The following PTGER3 variants were observed in gnomAD, a reference collection of about 807,000 sequenced individuals.
PTGER3 encodes the protein prostaglandin E receptor 3.
A neutral mutation model predicts 34.7 loss-of-function variants in PTGER3; 22 were observed. The observed-to-expected ratio is 0.63, with a 90% CI of 0.45 to 0.91. The LOEUF (loss-of-function observed/expected upper bound fraction) is 0.91. PTGER3 is among the 40% of genes least tolerant of loss of function. The probability of loss-of-function intolerance (pLI) is 0.00; values close to 1 mark genes in which losing one functional copy is unlikely to be tolerated. For missense variants in PTGER3, 468 were observed against 519.4 expected, an observed-to-expected ratio of 0.90 and a Z score of 0.96; for synonymous variants, 241 against 230.1, an observed-to-expected ratio of 1.05 and a Z score of -0.43.
intron 1 of PTGER3, among the ~76,000 whole-genome samples, chr1:71,016,976 T>C (rs988616580): frequency 1.3e-5 from 2 of 152,100 alleles, no homozygotes; most frequent in African/African-American, 4.8e-5. Flanking sequence ...GCTGGCTGGC[T>C]TATCATCCTA....
At chr1:70,856,239 C>T (rs559791545) in intron 4 of PTGER3, among the ~76,000 whole-genome samples, 27 of 151,952 alleles carry the variant, frequency 1.8e-4, no homozygotes, top group Non-Finnish European at 3.5e-4. Context: ...CAAGATAACT[C>T]ATTAGCTTTT....
chr1:71,028,552 T>C (rs1469098919), intron 1 of PTGER3, among the ~76,000 whole-genome samples: 2 of 152,232 alleles, frequency 1.3e-5, no homozygotes, highest in African/African-American at 2.4e-5. Context: ...TGAAGCATTA[T>C]GTTTTTTCCT....
At chr1:70,855,394 T>A (rs1009655009) in intron 4 of PTGER3, among the ~76,000 whole-genome samples, 2 of 152,168 alleles carry the variant, frequency 1.3e-5, no homozygotes, top group African/African-American at 4.8e-5. Flanking sequence ...AGAGATCTAT[T>A]GCACAACAAT....
At chr1:71,002,852 G>T (rs576390936) in intron 2 of PTGER3, among the ~76,000 whole-genome samples, 8 of 152,260 alleles carry the variant, frequency 5.3e-5, no homozygotes, top group Admixed American at 1.3e-4. Flanking sequence ...GCTCCTCCTG[G>T]ATCTCCTAAG....
At chr1:71,024,709 C>T (rs1658739329) in intron 1 of PTGER3, among the ~76,000 whole-genome samples, 1 of 147,542 alleles carries the variant, frequency 6.8e-6, no homozygotes, top group African/African-American at 2.5e-5. Flanking sequence ...TGCCCGCCAC[C>T]GTGCATAGCT....
intron 4 of PTGER3, chr1:70,886,335 G>A (rs781258070): frequency 6.7e-6 from 3 of 447,832 alleles, no homozygotes; most frequent in South Asian, 1.6e-5. Flanking sequence ...AGAACTGTGA[G>A]AAACAAATTT....
rs542073794 is a variant in PTGER3, at chr1:71,044,319, C to T, written c.897+2362G>A. 3.5e-4 allele frequency among the ~76,000 whole-genome samples: 53 copies of T among 150,938 alleles called. 1 individual carries two copies. Among genetic ancestry groups the T allele is most frequent in the African/African-American group, 1.3e-3 (52 of 41,246 alleles). ...AGGTGTGGTGGCGGGCGCCTGTAATCCTAGTGACTCCAAAGGCTGAGGCAG... is the reference window on the plus strand; with the variant it reads ...AGGTGTGGTGGCGGGCGCCTGTAATTCTAGTGACTCCAAAGGCTGAGGCAG... On this transcript the variant is annotated intron_variant, in intron 1 of 3. Coordinates refer to ENST00000306666, the MANE Select transcript of PTGER3 (RefSeq NM_198719.2).
chr1:71,006,115 T>A, intron 2 of PTGER3: 1 of 940,252 alleles, frequency 1.1e-6, no homozygotes, highest in African/African-American at 1.8e-5. Flanking sequence ...ATTTCTGTTA[T>A]CTCTCTTATC....
chr1:70,891,939 T>C (rs893453891), intron 4 of PTGER3, among the ~76,000 whole-genome samples: 4 of 152,218 alleles, frequency 2.6e-5, no homozygotes, highest in Non-Finnish European at 4.4e-5. Flanking sequence ...TTAGAGGTAG[T>C]AATGTTATAC....
intron 3 of PTGER3, among the ~76,000 whole-genome samples, chr1:70,973,121 C>CGTGTGT (rs71898506): frequency 0.046 from 6,610 of 143,892 alleles, 203 homozygotes; most frequent in Non-Finnish European, 0.063. Flanking sequence ...CCAGTGTGCA[C>CGTGTGT]GTGTGTGTGT....
intron 2 of PTGER3, among the ~76,000 whole-genome samples, chr1:70,979,500 T>TG (rs11434745): frequency 0.81 from 122,441 of 151,998 alleles, 49,469 homozygotes; most frequent in East Asian, 0.96. Flanking sequence ...TGGGTACAGC[T>TG]GCACGTTATC....
chr1:70,966,428 A>T (rs1361275009), downstream of PTGER3, among the ~76,000 whole-genome samples: 1 of 152,168 alleles, frequency 6.6e-6, no homozygotes, highest in African/African-American at 2.4e-5. Context: ...TAAAAAAAGA[A>T]GTTATTTAAT....
At chr1:70,929,586 T>A (rs1054926934) in intron 4 of PTGER3, among the ~76,000 whole-genome samples, 1 of 152,220 alleles carries the variant, frequency 6.6e-6, no homozygotes, top group African/African-American at 2.4e-5. Context: ...CTCTGAGCAG[T>A]GTTTATATTC....
At chr1:70,904,653 T>C (rs1646908309) in intron 4 of PTGER3, among the ~76,000 whole-genome samples, 1 of 152,168 alleles carries the variant, frequency 6.6e-6, no homozygotes, top group Non-Finnish European at 1.5e-5. Context: ...GAGGATGATT[T>C]AGGGTATCTG....
At chr1:70,994,615 G>A (rs372148121) in intron 2 of PTGER3, among the ~76,000 whole-genome samples, 18 of 151,802 alleles carry the variant, frequency 1.2e-4, no homozygotes, top group Non-Finnish European at 2.6e-4. Context: ...GCACCACCAC[G>A]CCCGGCTAAT....
At chr1:71,043,146 G>A (rs1222892045) in intron 1 of PTGER3, among the ~76,000 whole-genome samples, 1 of 152,154 alleles carries the variant, frequency 6.6e-6, no homozygotes, top group African/African-American at 2.4e-5. Flanking sequence ...CTGAGCTATG[G>A]TGAGCATCAT....
intron 2 of PTGER3, among the ~76,000 whole-genome samples, chr1:70,987,771 T>C (rs1371849946): frequency 6.6e-6 from 1 of 152,146 alleles, no homozygotes; most frequent in Non-Finnish European, 1.5e-5. Context: ...AGAATAATGA[T>C]TGGATACTAG....
Position 71,046,775 on chromosome 1 carries a change from T to A in PTGER3, c.803A>T (p.Gln268Leu). The change falls in exon 1 of 4, where the codon CAG (glutamine) becomes CTG (leucine). Residue 268 changes from glutamine (Q) to leucine (L), a missense_variant. By Grantham distance (113) the Gln-to-Leu change is moderately radical (BLOSUM62 -2). Transcript: ENST00000306666. ...SRCRAKATASQSSAQWGRITT... is the reference protein window; with the variant it reads ...SRCRAKATASLSSAQWGRITT... ...GATGCGGCCCCACTGGGCACTGGAC[T>A]GAGATGCCGTGGCCTTGGCCCGGCA... 6.2e-7 allele frequency: 1 copy of A among 1,613,990 alleles called. No individual in the cohort carries two copies. The highest frequency in any genetic ancestry group is 8.5e-7 in the Non-Finnish European group (1 of 1,180,028).
At chr1:70,966,478 T>A (rs962148544), downstream of PTGER3, among the ~76,000 whole-genome samples, 2 of 152,162 alleles carry the variant, frequency 1.3e-5, no homozygotes, top group Non-Finnish European at 2.9e-5. Context: ...TTGTTTACAT[T>A]TTTTCTTTAT....
Sources: allele counts gnomAD v4.1 joint callset (sites outside exome capture counted in the v4.1 genomes callset), GRCh38; gene constraint gnomAD v4.1.1; transcripts MANE v1.5; gene names NCBI Gene and HGNC (gene_info 2026-07-23, HGNC 2026-07-21).